CNIH3: variants seen among roughly 807,000 people sequenced by gnomAD.
The protein encoded by CNIH3 is cornichon family AMPA receptor auxiliary protein 3.
A neutral mutation model predicts 24.1 loss-of-function variants in CNIH3; 14 were observed. That is an observed-to-expected ratio of 0.58 (90% CI 0.38 to 0.91). The LOEUF (loss-of-function observed/expected upper bound fraction) is 0.91. CNIH3 is among the 40% of genes least tolerant of loss of function. CNIH3 has a pLI of 0.00. For synonymous variants in CNIH3, 68 were observed against 73.8 expected, an observed-to-expected ratio of 0.92 and a Z score of 0.40; for missense variants, 178 against 196.8, an observed-to-expected ratio of 0.90 and a Z score of 0.57.
Position 224,681,636 on chromosome 1 carries a change from G to A in CNIH3, c.150+610G>A, listed in dbSNP as rs937341216. Among the ~76,000 whole-genome samples, 27 of 152,188 alleles carry A rather than the reference G, an allele frequency of 1.8e-4. 1 individual carries two copies. The highest frequency in any genetic ancestry group is 2.1e-4 in the South Asian group (1 of 4,824). ...TCTTCCTGCTTGTCTGGCTTGGCAG[G>A]CCCTACATGCTGCCCTTCCCCTGTG... On this transcript the variant is annotated intron_variant, in intron 2 of 5. Transcript: ENST00000272133.
chr1:224,722,791 G>A (rs1001662993), intron 3 of CNIH3, among the ~76,000 whole-genome samples: 4 of 152,170 alleles, frequency 2.6e-5, no homozygotes, highest in African/African-American at 9.7e-5. Flanking sequence ...AGGCAGGGTG[G>A]GAACAGCCAG....
chr1:224,441,824 C>T (rs1236658267), intron 1 of CNIH3, among the ~76,000 whole-genome samples: 1 of 151,858 alleles, frequency 6.6e-6, no homozygotes, highest in Non-Finnish European at 1.5e-5. Flanking sequence ...CTAAATAATA[C>T]TAAATGTATA....
In CNIH3 at chr1:224,616,444, G is replaced by A. The variant is rs1682991062; in HGVS notation, c.-731G>A. The stretch of plus-strand genomic sequence containing the variant: ...AGTTGGCCCGTTGGGTGGAGCCAGT[G>A]CTCGCCCCGGTCCGACCCCCGGTTT... On this transcript the variant is annotated 5_prime_UTR_variant, in exon 1 of 6. Transcript: ENST00000272133. 3.0e-6 allele frequency: 3 copies of A among 992,264 alleles called. No homozygotes were observed. The highest frequency in any genetic ancestry group is 1.2e-4 in the Admixed American group (2 of 16,312). The allele number at this position is 992,264 out of a possible 1,614,324, so 61.5% of individuals were successfully genotyped here. A position where few individuals can be genotyped will look rare whatever the true frequency, so the allele number is the denominator to read the frequency against.
intron 4 of CNIH3, among the ~76,000 whole-genome samples, chr1:224,570,991 A>T (rs1449658033): frequency 6.6e-6 from 1 of 152,142 alleles, no homozygotes; most frequent in Non-Finnish European, 1.5e-5. Context: ...CTTTGTCATA[A>T]ATGTACATAT....
intron 3 of CNIH3, among the ~76,000 whole-genome samples, chr1:224,725,113 G>A (rs186235627): frequency 6.6e-6 from 1 of 152,292 alleles, no homozygotes; most frequent in East Asian, 1.9e-4. Context: ...GGGAGGCTGA[G>A]GCAGGAGAAT....
intron 3 of CNIH3, among the ~76,000 whole-genome samples, chr1:224,694,988 A>G (rs1687095558): frequency 6.6e-6 from 1 of 152,062 alleles, no homozygotes; most frequent in South Asian, 2.1e-4. Flanking sequence ...GGTACAGTGT[A>G]CACTGCTCAG....
chr1:224,443,713 T>TA lies in CNIH3; in HGVS notation n.203+8851_203+8852insA, dbSNP rs1558461722. Among the ~76,000 whole-genome samples the TA allele has an allele frequency of 1.7e-3, 245 of 148,232 alleles. 1 individual carries two copies. The highest frequency in any genetic ancestry group is 5.6e-3 in the African/African-American group (224 of 40,134). The stretch of plus-strand genomic sequence containing the variant: ...TATAGATATAGATATATATATATAT[T>TA]TTTTTAGGCTGCTTCTCTGAGAGTA... On this transcript the variant is annotated intron_variant and non_coding_transcript_variant, in intron 1 of 5. Transcript: ENST00000471578.
At chr1:224,474,629 A>G (rs1308145460) in intron 1 of CNIH3, among the ~76,000 whole-genome samples, 1 of 152,110 alleles carries the variant, frequency 6.6e-6, no homozygotes, top group East Asian at 1.9e-4. Context: ...GATTGAAATG[A>G]AGAAAACAAT....
chr1:224,488,668 A>T (rs535467908), intron 1 of CNIH3, among the ~76,000 whole-genome samples: 8 of 152,216 alleles, frequency 5.3e-5, no homozygotes, highest in African/African-American at 1.4e-4. Context: ...AGGTTTCTCT[A>T]TGTCACCCAG....
At chr1:224,456,799 G>A (rs192914504) in intron 1 of CNIH3, among the ~76,000 whole-genome samples, 1 of 152,166 alleles carries the variant, frequency 6.6e-6, no homozygotes, top group African/African-American at 2.4e-5. Context: ...TGCCATTCTC[G>A]TGCCCTCCTT....
chr1:224,489,319 C>A (rs994458462), intron 1 of CNIH3, among the ~76,000 whole-genome samples: 1 of 152,194 alleles, frequency 6.6e-6, no homozygotes, highest in African/African-American at 2.4e-5. Context: ...CAATTTGGGG[C>A]TCCCCCTTTC....
At chr1:224,615,782 T>C (rs1682931121), upstream of CNIH3, 2 of 152,168 alleles carry the variant, frequency 1.3e-5, no homozygotes, top group African/African-American at 2.4e-5. Context: ...ATGGAGAATT[T>C]TGCAGGGTCT....
intron 1 of CNIH3, among the ~76,000 whole-genome samples, chr1:224,617,478 C>T (rs1683068213): frequency 6.6e-6 from 1 of 152,136 alleles, no homozygotes; most frequent in Admixed American, 6.5e-5. Flanking sequence ...AGGACACCCT[C>T]TGCAGGGCCC....
At chr1:224,542,667 G>C (rs944396586) in intron 2 of CNIH3, among the ~76,000 whole-genome samples, 1 of 152,178 alleles carries the variant, frequency 6.6e-6, no homozygotes, top group Admixed American at 6.5e-5. Flanking sequence ...CTAGGAACCA[G>C]GTTTGGAGAA....
chr1:224,589,692 C>G (rs1454874289), downstream of CNIH3, among the ~76,000 whole-genome samples: 1 of 152,160 alleles, frequency 6.6e-6, no homozygotes, highest in African/African-American at 2.4e-5. Flanking sequence ...ACTTCTTTGT[C>G]TTAGTGAGAG....
chr1:224,586,600 G>A (rs1394087062), intron 5 of CNIH3, among the ~76,000 whole-genome samples: 1 of 152,206 alleles, frequency 6.6e-6, no homozygotes, highest in Non-Finnish European at 1.5e-5. Flanking sequence ...GATTTGGCAG[G>A]ACCGTTGTCT....
chr1:224,515,768 A>G (rs577949854), upstream of CNIH3: 1 of 152,278 alleles, frequency 6.6e-6, no homozygotes, highest in South Asian at 2.1e-4. Flanking sequence ...AAGAGCCGAG[A>G]AGTAGAATCG....
At chr1:224,615,363 C>G (rs1244029202), upstream of CNIH3, 1 of 152,126 alleles carries the variant, frequency 6.6e-6, no homozygotes, top group Non-Finnish European at 1.5e-5. Context: ...GACTGGACCT[C>G]TTTCACTGCA....
chr1:224,597,652 G>A (rs1682041553), intron 3 of CNIH3, among the ~76,000 whole-genome samples: 1 of 152,258 alleles, frequency 6.6e-6, no homozygotes. Context: ...TGGAGGGCAT[G>A]GAAGCTCTCC....
Sources: allele counts gnomAD v4.1 joint callset (sites outside exome capture counted in the v4.1 genomes callset), GRCh38; gene constraint gnomAD v4.1.1; transcripts MANE v1.5; gene names NCBI Gene and HGNC (gene_info 2026-07-23, HGNC 2026-07-21).